TRIO: variants seen among roughly 807,000 people sequenced by gnomAD.
TRIO encodes triple functional domain protein.
In TRIO, 58 loss-of-function variants were observed where a neutral mutation model predicts 351.9. That is an observed-to-expected ratio of 0.16 (90% confidence interval 0.13 to 0.21). The LOEUF (loss-of-function observed/expected upper bound fraction) is 0.21. Ranked by LOEUF, TRIO falls within the 10% of genes least tolerant of loss-of-function variation. The probability of loss-of-function intolerance (pLI) is 1.00; values close to 1 mark genes in which losing one functional copy is unlikely to be tolerated. For missense variants in TRIO, 3,201 were observed against 4,027.8 expected, an observed-to-expected ratio of 0.79 and a Z score of 5.56; for synonymous variants, 1,758 against 1,595.7, an observed-to-expected ratio of 1.10 and a Z score of -2.42.
chr5:14,402,704 G>A (rs1748184673), intron 31 of TRIO, among the ~76,000 whole-genome samples: 1 of 151,972 alleles, frequency 6.6e-6, no homozygotes, highest in South Asian at 2.1e-4. Context: ...ATGGGGGTAT[G>A]GGTACAGATG....
At chr5:14,411,446 C>T (rs1317129382) in intron 33 of TRIO, among the ~76,000 whole-genome samples, 1 of 152,124 alleles carries the variant, frequency 6.6e-6, no homozygotes, top group Non-Finnish European at 1.5e-5. Context: ...GCCAGCAGGG[C>T]CCAGGTGTGA....
chr5:14,437,697 C>CCCA (rs1751704561), intron 34 of TRIO, among the ~76,000 whole-genome samples: 1 of 147,890 alleles, frequency 6.8e-6, no homozygotes, highest in African/African-American at 2.6e-5. Context: ...CCCCCCCCGC[C>CCCA]CCAAGGACCT....
At chr5:14,201,790 A>C (rs1382058300) in intron 1 of TRIO, among the ~76,000 whole-genome samples, 1 of 152,190 alleles carries the variant, frequency 6.6e-6, no homozygotes, top group African/African-American at 2.4e-5. Context: ...AAAAATACAG[A>C]AATGATTAAA....
intron 37 of TRIO, chr5:14,465,936 G>T: frequency 2.9e-6 from 1 of 349,552 alleles, no homozygotes. Flanking sequence ...CAAGCTGCCA[G>T]CCATGCTCTC....
In TRIO at chr5:14,316,496, A is replaced by G; in HGVS notation, c.1501-17A>G. On this transcript the variant is annotated splice_polypyrimidine_tract_variant and intron_variant, in intron 8 of 56. Transcript: ENST00000344204. ...AACCTCAGATCGTGAAGAATCACTCATTTCTTTTGTGGGCAGGTCAGCCAA... is the reference window on the plus strand; with the variant it reads ...AACCTCAGATCGTGAAGAATCACTCGTTTCTTTTGTGGGCAGGTCAGCCAA... The G allele has an allele frequency of 6.2e-7, 1 of 1,613,202 alleles. No individual in the cohort carries two copies. Among genetic ancestry groups the G allele is most frequent in the Non-Finnish European group, 8.5e-7 (1 of 1,179,736 alleles).
chr5:14,222,482 C>A (rs955783005), intron 1 of TRIO, among the ~76,000 whole-genome samples: 1 of 152,180 alleles, frequency 6.6e-6, no homozygotes, highest in Non-Finnish European at 1.5e-5. Flanking sequence ...ATCCTTAGCT[C>A]AGACCCCCAG....
chr5:14,469,111 TAAATG>T (rs1754490468), intron 37 of TRIO, among the ~76,000 whole-genome samples: 1 of 152,062 alleles, frequency 6.6e-6, no homozygotes, highest in Non-Finnish European at 1.5e-5. Flanking sequence ...AGAATGAAAA[TAAATG>T]AAATCACATC....
intron 4 of TRIO, 88 bp from the exon 5 acceptor site, chr5:14,290,613 TACTTTAACTTTGAAA>T: frequency 8.4e-7 from 1 of 1,184,274 alleles, no homozygotes; most frequent in Non-Finnish European, 1.2e-6. Context: ...ATAAATAGAT[TACTTTAACTTTGAAA>T]ACCTGTGACT....
chr5:14,207,316 TCTCA>T (rs1484495565), intron 1 of TRIO, among the ~76,000 whole-genome samples: 2 of 9,114 alleles, frequency 2.2e-4, no homozygotes, highest in Admixed American at 1.0e-3. Context: ...CAAGACTGTC[TCTCA>T]CACACACACA....
chr5:14,199,219 A>AAAG (rs1554031816), intron 1 of TRIO, among the ~76,000 whole-genome samples: 25 of 146,914 alleles, frequency 1.7e-4, no homozygotes, highest in Non-Finnish European at 1.5e-4. Flanking sequence ...AAAAAAAAAA[A>AAAG]CCTCCCTAAA....
At chr5:14,226,776 T>G (rs763923146) in intron 1 of TRIO, among the ~76,000 whole-genome samples, 16 of 152,286 alleles carry the variant, frequency 1.1e-4, no homozygotes, top group Non-Finnish European at 1.8e-4. Flanking sequence ...GAAGTGGAGG[T>G]GCTGGGTAGA....
At chr5:14,507,368 G>T in intron 56 of TRIO, 108 bp downstream of exon 56, 2 of 1,493,024 alleles carry the variant, frequency 1.3e-6, no homozygotes, top group Non-Finnish European at 8.9e-7. Flanking sequence ...AGTGACTAGG[G>T]ACAAAAAGGG....
chr5:14,508,518 C>G lies in TRIO; in HGVS notation c.*96C>G. ...ACAAGCAAACATAACTGATCAGCTGCCGGTATGTTCATCGTGTGAAATTGC... is the reference window on the plus strand; with the variant it reads ...ACAAGCAAACATAACTGATCAGCTGGCGGTATGTTCATCGTGTGAAATTGC... On this transcript the variant is annotated 3_prime_UTR_variant, in exon 57 of 57. Coordinates refer to ENST00000344204, the MANE Select transcript of TRIO (RefSeq NM_007118.4). 1 of 1,427,994 alleles carries G rather than the reference C, an allele frequency of 7.0e-7. No individual in the cohort carries two copies. Among genetic ancestry groups the G allele is most frequent in the Non-Finnish European group, 9.5e-7 (1 of 1,054,326 alleles). 88.5% of individuals were successfully genotyped at this position (1,427,994 alleles called of 1,614,324 possible). A position where few individuals can be genotyped will look rare whatever the true frequency, so the allele number is the denominator to read the frequency against.
At chr5:14,477,321 C>T (rs765147342) in intron 41 of TRIO, 31 of 175,132 alleles carry the variant, frequency 1.8e-4, no homozygotes, top group African/African-American at 4.0e-4. Flanking sequence ...GTGTGGATAT[C>T]GAAAATAAGC....
intron 1 of TRIO, among the ~76,000 whole-genome samples, chr5:14,175,877 C>T (rs1196220867): frequency 1.3e-5 from 2 of 152,200 alleles, no homozygotes; most frequent in African/African-American, 4.8e-5. Context: ...AAGAAAAGTT[C>T]ACAAAGTGTC....
At chr5:14,174,747 G>A (rs1227546220) in intron 1 of TRIO, among the ~76,000 whole-genome samples, 1 of 152,172 alleles carries the variant, frequency 6.6e-6, no homozygotes, top group African/African-American at 2.4e-5. Flanking sequence ...TAGAGTCAGG[G>A]ATTTTAGTCT....
At chr5:14,245,627 T>A (rs1212540164) in intron 1 of TRIO, among the ~76,000 whole-genome samples, 3 of 152,198 alleles carry the variant, frequency 2.0e-5, no homozygotes, top group Admixed American at 6.5e-5. Context: ...TGTCTGCAGA[T>A]CAGTGGCCTT....
At chr5:14,472,750 C>G (rs1754782059) in intron 39 of TRIO, 92 bp downstream of exon 39, 1 of 1,345,882 alleles carries the variant, frequency 7.4e-7, no homozygotes, top group African/African-American at 1.5e-5. Flanking sequence ...CTCTCAAAAG[C>G]TTTAAAAACA....
intron 36 of TRIO, among the ~76,000 whole-genome samples, chr5:14,465,063 GTTTC>G (rs919038058): frequency 1.3e-5 from 2 of 151,808 alleles, no homozygotes; most frequent in Non-Finnish European, 2.9e-5. Context: ...CCTCTTCCTC[GTTTC>G]TTTTTTTTCT....
Sources: gnomAD v4.1 joint callset for allele counts (sites outside exome capture counted in the v4.1 genomes callset) on GRCh38, gnomAD v4.1.1 for gene constraint, MANE v1.5 for transcripts, NCBI Gene and HGNC (gene_info 2026-07-23, HGNC 2026-07-21) for gene names.